CCDC85A: variants seen among roughly 807,000 people sequenced by gnomAD.
CCDC85A encodes the protein coiled-coil domain-containing protein 85A.
CCDC85A carries 38 observed loss-of-function variants against 50.2 expected under a neutral mutation model. That is an observed-to-expected ratio of 0.76 (90% CI 0.58 to 0.99). CCDC85A has a LOEUF of 0.99. CCDC85A is among the 50% of genes least tolerant of loss of function. The probability of loss-of-function intolerance (pLI) is 0.00; values close to 1 mark genes in which losing one functional copy is unlikely to be tolerated. For synonymous variants in CCDC85A, 366 were observed against 301.4 expected, an observed-to-expected ratio of 1.21 and a Z score of -2.22; for missense variants, 820 against 742.0, an observed-to-expected ratio of 1.11 and a Z score of -1.22.
At chr2:56,372,261 A>C in intron 3 of CCDC85A, 83 bp from the exon 4 acceptor site, 24 of 1,364,242 alleles carry the variant, frequency 1.8e-5, no homozygotes, top group Non-Finnish European at 2.3e-5. Context: ...TCATCTCATT[A>C]AGCTTCATGT....
chr2:56,200,052 A>G (rs763878851), intron 2 of CCDC85A, among the ~76,000 whole-genome samples: 1 of 152,134 alleles, frequency 6.6e-6, no homozygotes, highest in Non-Finnish European at 1.5e-5. Flanking sequence ...TACTTTTAGT[A>G]GAGATGGAGT....
At chr2:56,336,915 A>G (rs1266305963) in intron 2 of CCDC85A, among the ~76,000 whole-genome samples, 1 of 152,226 alleles carries the variant, frequency 6.6e-6, no homozygotes, top group African/African-American at 2.4e-5. Flanking sequence ...GTATTTATCT[A>G]TGTATGTTAC....
At chr2:56,352,533 A>G (rs553889144) in intron 3 of CCDC85A, among the ~76,000 whole-genome samples, 4 of 152,014 alleles carry the variant, frequency 2.6e-5, no homozygotes, top group Non-Finnish European at 5.9e-5. Context: ...TTTAATAGAG[A>G]CGGGGTCCCA....
intron 2 of CCDC85A, among the ~76,000 whole-genome samples, chr2:56,223,085 T>C (rs999505780): frequency 1.3e-5 from 2 of 152,144 alleles, no homozygotes; most frequent in Admixed American, 6.6e-5. Flanking sequence ...AAGACAGTAG[T>C]CCACAAAGGG....
chr2:56,246,919 G>A (rs1669537075), intron 2 of CCDC85A, among the ~76,000 whole-genome samples: 2 of 152,112 alleles, frequency 1.3e-5, no homozygotes, highest in African/African-American at 4.8e-5. Flanking sequence ...TTTTGAGAAA[G>A]GACAGTTCAT....
rs529802080 is a variant in CCDC85A at position 56,215,968 on chromosome 2, C to T, written c.1240+22528C>T. Among the ~76,000 whole-genome samples the T allele has an allele frequency of 3.3e-5, 5 of 152,020 alleles. No individual in the cohort carries two copies. The East Asian group carries it at 9.7e-4, about 29-fold the overall frequency. ...CCATAAATAAAGTGTAATTGGAACA[C>T]AGCCATGTGCATTGATTTATTTATT... On this transcript the variant is annotated intron_variant, in intron 2 of 5. Coordinates refer to ENST00000407595, the MANE Select transcript of CCDC85A (RefSeq NM_001080433.2).
chr2:56,256,010 G>C (rs1192917735), intron 2 of CCDC85A, among the ~76,000 whole-genome samples: 58 of 151,820 alleles, frequency 3.8e-4, no homozygotes, highest in Non-Finnish European at 3.2e-4. Context: ...GAGATGAACA[G>C]ATGTACATAT....
intron 2 of CCDC85A, among the ~76,000 whole-genome samples, chr2:56,313,416 T>C (rs918327901): frequency 1.9e-4 from 29 of 152,150 alleles, no homozygotes; most frequent in African/African-American, 7.0e-4. Flanking sequence ...GAAGTGGGAA[T>C]AAGGAGAACT....
intron 2 of CCDC85A, among the ~76,000 whole-genome samples, chr2:56,203,620 G>A (rs1180676818): frequency 6.6e-6 from 1 of 152,012 alleles, no homozygotes; most frequent in Non-Finnish European, 1.5e-5. Flanking sequence ...GAGCTAAGCT[G>A]GTTTGATTAT....
chr2:56,275,479 CCTT>C (rs1183442883), intron 2 of CCDC85A, among the ~76,000 whole-genome samples: 5 of 67,034 alleles, frequency 7.5e-5, no homozygotes, highest in East Asian at 2.8e-3. Flanking sequence ...ATCATATAGA[CCTT>C]ACACCAGCTA....
chr2:56,252,231 A>T (rs1669793897), intron 2 of CCDC85A, among the ~76,000 whole-genome samples: 1 of 151,984 alleles, frequency 6.6e-6, no homozygotes, highest in South Asian at 2.1e-4. Context: ...TATTTTTAGT[A>T]GAGACAGGGT....
At chr2:56,273,700 A>G (rs1670799228) in intron 2 of CCDC85A, among the ~76,000 whole-genome samples, 1 of 151,618 alleles carries the variant, frequency 6.6e-6, no homozygotes, top group African/African-American at 2.4e-5. Flanking sequence ...ATATATATAT[A>G]TATATATATC....
chr2:56,279,548 A>G (rs917156119), intron 2 of CCDC85A, among the ~76,000 whole-genome samples: 5 of 152,158 alleles, frequency 3.3e-5, no homozygotes, highest in South Asian at 2.1e-4. Flanking sequence ...CTGTAATTAT[A>G]TATCCTTTGA....
At chr2:56,358,972 T>A (rs376266858) in intron 3 of CCDC85A, among the ~76,000 whole-genome samples, 3 of 63,976 alleles carry the variant, frequency 4.7e-5, no homozygotes, top group Admixed American at 3.1e-4. Flanking sequence ...TTTTTTTTTT[T>A]TTTTTTTTTT....
At chr2:56,344,000 C>CT (rs1160971266) in intron 3 of CCDC85A, among the ~76,000 whole-genome samples, 3 of 151,946 alleles carry the variant, frequency 2.0e-5, no homozygotes, top group Non-Finnish European at 4.4e-5. Flanking sequence ...CATAAGAATC[C>CT]TTTTTTCTTT....
intron 2 of CCDC85A, among the ~76,000 whole-genome samples, chr2:56,304,569 A>G (rs113697284): frequency 2.6e-5 from 4 of 152,174 alleles, no homozygotes; most frequent in Non-Finnish European, 5.9e-5. Flanking sequence ...GGGACCACCC[A>G]CAGTAACATT....
At chr2:56,198,854 G>A (rs576018059) in intron 2 of CCDC85A, among the ~76,000 whole-genome samples, 47 of 152,164 alleles carry the variant, frequency 3.1e-4, no homozygotes, top group South Asian at 8.3e-4. Flanking sequence ...TTAATATTGC[G>A]TCTGCACAAT....
intron 5 of CCDC85A, among the ~76,000 whole-genome samples, chr2:56,380,371 T>C (rs1676524139): frequency 6.6e-6 from 1 of 151,970 alleles, no homozygotes. Flanking sequence ...ACTCAGAATA[T>C]AGTAAGGTAA....
chr2:56,193,548 G>GAGT, intron 2 of CCDC85A, 108 bp downstream of exon 2: 1 of 1,296,964 alleles, frequency 7.7e-7, no homozygotes, highest in Admixed American at 2.8e-5. Context: ...GCTAGCTAGG[G>GAGT]AGTGGGTTTG....
Sources: allele counts gnomAD v4.1 joint callset (sites outside exome capture counted in the v4.1 genomes callset), GRCh38; gene constraint gnomAD v4.1.1; transcripts MANE v1.5; gene names NCBI Gene and HGNC (gene_info 2026-07-23, HGNC 2026-07-21).